KCNE1: variants seen among roughly 807,000 people sequenced by gnomAD.
KCNE1 encodes potassium voltage-gated channel subfamily E regulatory subunit 1, also known as potassium voltage-gated channel subfamily E member 1.
KCNE1 carries 1 observed loss-of-function variant against 2.9 expected under a neutral mutation model. The ratio of observed to expected loss-of-function variants is 0.34; its 90% CI spans 0.12 to 1.62. KCNE1 has a LOEUF of 1.62. Ranked by LOEUF, KCNE1 falls within the 40% of genes most tolerant of loss-of-function variation. KCNE1 has a pLI of 0.36. For missense variants in KCNE1, 45 were observed against 150.5 expected, an observed-to-expected ratio of 0.30 and a Z score of 3.67; for synonymous variants, 23 against 65.4, an observed-to-expected ratio of 0.35 and a Z score of 3.13.
intron 2 of KCNE1, among the ~76,000 whole-genome samples, chr21:34,499,817 G>A (rs969871568): frequency 7.2e-5 from 11 of 152,156 alleles, no homozygotes; most frequent in African/African-American, 2.7e-4. Flanking sequence ...TCTTTAAAAG[G>A]ATCAGTGAAT....
At chr21:34,502,116 T>A (rs527881686) in intron 2 of KCNE1, among the ~76,000 whole-genome samples, 2 of 152,296 alleles carry the variant, frequency 1.3e-5, no homozygotes, top group South Asian at 2.1e-4. Context: ...TACCTTGCCT[T>A]TTTTGGTCTA....
At chr21:34,498,228 G>C (rs1440066013) in intron 2 of KCNE1, among the ~76,000 whole-genome samples, 1 of 152,180 alleles carries the variant, frequency 6.6e-6, no homozygotes, top group East Asian at 1.9e-4. Context: ...TGGGAAGCTA[G>C]TGTGATCTTT....
rs1422983735 is a variant in KCNE1 at position 34,511,092 on chromosome 21, T to C, written c.-162+9A>G. On this transcript the variant is annotated intron_variant, in intron 2 of 3. Transcript: ENST00000399286. ...TGAGGAAAGGGTCTGTGCAACCCCC[T>C]TCTCCTACCAGTTCTCGTTTCTGAA... 1.0e-6 allele frequency: 1 copy of C among 973,826 alleles called. No individual in the cohort carries two copies. The highest frequency in any genetic ancestry group is 1.2e-6 in the Non-Finnish European group (1 of 819,340). 60.3% of individuals were successfully genotyped at this position (973,826 alleles called of 1,614,324 possible). A position where few individuals can be genotyped will look rare whatever the true frequency, so the allele number is the denominator to read the frequency against.
chr21:34,501,512 T>C (rs1983166393), intron 2 of KCNE1, among the ~76,000 whole-genome samples: 1 of 152,206 alleles, frequency 6.6e-6, no homozygotes, highest in Admixed American at 6.5e-5. Context: ...TAGAAGTAGA[T>C]GCTCAGTTGT....
chr21:34,449,709 ATC>A, intron 3 of KCNE1, 25 bp from the exon 4 acceptor site: 1 of 624,788 alleles, frequency 1.6e-6, no homozygotes, highest in South Asian at 1.9e-5. Flanking sequence ...GCAACCCCAA[ATC>A]AAAAAGTACG....
chr21:34,500,695 C>A (rs1289332581), intron 2 of KCNE1, among the ~76,000 whole-genome samples: 1 of 152,148 alleles, frequency 6.6e-6, no homozygotes, highest in East Asian at 1.9e-4. Context: ...TATGTACACA[C>A]ATATATAATC....
At position 34,511,101 on chromosome 21, in the gene KCNE1, C is replaced by A; in HGVS notation, c.-162G>T. 3.1e-6 allele frequency: 3 copies of A among 981,640 alleles called. No individual in the cohort carries two copies. Among genetic ancestry groups the A allele is most frequent in the Non-Finnish European group, 3.6e-6 (3 of 826,440 alleles). 60.8% of individuals were successfully genotyped at this position (981,640 alleles called of 1,614,324 possible). Reference sequence around the variant, plus strand: ...GGTCTGTGCAACCCCCTTCTCCTACCAGTTCTCGTTTCTGAAGTCTCCTCA... The same window carrying A: ...GGTCTGTGCAACCCCCTTCTCCTACAAGTTCTCGTTTCTGAAGTCTCCTCA... On this transcript the variant is annotated splice_region_variant and 5_prime_UTR_variant, in exon 2 of 4. Transcript: ENST00000399286.
At chr21:34,508,787 C>T (rs1330154559) in intron 2 of KCNE1, among the ~76,000 whole-genome samples, 4 of 152,180 alleles carry the variant, frequency 2.6e-5, no homozygotes, top group African/African-American at 9.7e-5. Context: ...CCCTTCTTCA[C>T]CCTTTTTATT....
At chr21:34,508,034 T>C (rs986334564) in intron 2 of KCNE1, among the ~76,000 whole-genome samples, 1 of 139,228 alleles carries the variant, frequency 7.2e-6, no homozygotes, top group Non-Finnish European at 1.6e-5. Flanking sequence ...TGTTGGGTTC[T>C]TTTTTTTTTT....
intron 2 of KCNE1, among the ~76,000 whole-genome samples, chr21:34,503,900 C>G (rs1220919756): frequency 6.6e-6 from 1 of 152,178 alleles, no homozygotes; most frequent in African/African-American, 2.4e-5. Context: ...TTTTTGGAGG[C>G]GCACCTCACC....
chr21:34,509,295 C>A (rs1983693229), intron 2 of KCNE1, among the ~76,000 whole-genome samples: 1 of 152,208 alleles, frequency 6.6e-6, no homozygotes, highest in Admixed American at 6.5e-5. Flanking sequence ...CCATCCTCAG[C>A]TCCTAGAGGC....
At chr21:34,499,475 T>G (rs1983030151) in intron 2 of KCNE1, among the ~76,000 whole-genome samples, 1 of 152,214 alleles carries the variant, frequency 6.6e-6, no homozygotes, top group African/African-American at 2.4e-5. Context: ...AAAGCTCACT[T>G]GGAAGCTTCT....
At chr21:34,505,395 A>G (rs1983419977) in intron 2 of KCNE1, among the ~76,000 whole-genome samples, 1 of 151,710 alleles carries the variant, frequency 6.6e-6, no homozygotes, top group South Asian at 2.1e-4. Context: ...TCGGCCTCCC[A>G]AAGAACTGAG....
chr21:34,508,734 T>C (rs1455069508), intron 2 of KCNE1, among the ~76,000 whole-genome samples: 3 of 152,220 alleles, frequency 2.0e-5, no homozygotes, highest in African/African-American at 7.2e-5. Flanking sequence ...AAAATAGTCA[T>C]AGAAGTGAAT....
chr21:34,502,994 G>C (rs140806029), intron 2 of KCNE1, among the ~76,000 whole-genome samples: 57 of 152,360 alleles, frequency 3.7e-4, no homozygotes, highest in African/African-American at 1.2e-3. Context: ...ACACGTATCA[G>C]TAAAGCAATT....
At chr21:34,506,281 C>T (rs1453518320) in intron 2 of KCNE1, among the ~76,000 whole-genome samples, 1 of 152,184 alleles carries the variant, frequency 6.6e-6, no homozygotes, top group Non-Finnish European at 1.5e-5. Context: ...TTTGAAATGT[C>T]TTCTTGTCAC....
chr21:34,504,405 T>A (rs1319742992), intron 2 of KCNE1, among the ~76,000 whole-genome samples: 1 of 152,142 alleles, frequency 6.6e-6, no homozygotes, highest in Non-Finnish European at 1.5e-5. Context: ...GTGGCCAGAA[T>A]ACAAAAGGCT....
At position 34,512,051 on chromosome 21, in the gene KCNE1, G is replaced by C. The variant is rs537666945; in HGVS notation, c.-401C>G. 6.6e-6 allele frequency: 1 copy of C among 152,362 alleles called. No individual in the cohort carries two copies. Among genetic ancestry groups the C allele is most frequent in the African/African-American group, 2.4e-5 (1 of 41,540 alleles). 9.4% of individuals were successfully genotyped at this position (152,362 alleles called of 1,614,324 possible). On this transcript the variant is annotated 5_prime_UTR_variant, in exon 1 of 4. Transcript: ENST00000399286. ...CCTAGACCCTTGCATCAAAGGACTCGGGGACTCTGCTGCAGTCATCCTAGC... is the reference window on the plus strand; with the variant it reads ...CCTAGACCCTTGCATCAAAGGACTCCGGGACTCTGCTGCAGTCATCCTAGC...
At chr21:34,509,051 G>C (rs998745960) in intron 2 of KCNE1, among the ~76,000 whole-genome samples, 3 of 152,178 alleles carry the variant, frequency 2.0e-5, no homozygotes, top group Non-Finnish European at 4.4e-5. Flanking sequence ...GTTTCTGTGG[G>C]TCAAAACAAC....
Sources: gnomAD v4.1 joint callset for allele counts (sites outside exome capture counted in the v4.1 genomes callset) on GRCh38, gnomAD v4.1.1 for gene constraint, MANE v1.5 for transcripts, NCBI Gene and HGNC (gene_info 2026-07-23, HGNC 2026-07-21) for gene names.